Variants in SLC60A2 observed in about 807,000 individuals in gnomAD.
SLC60A2 encodes the protein solute carrier family 60 member 2.
At chr6:111,272,833 A>G in the SLC60A2 span, among the ~76,000 whole-genome samples, 3 of 151,026 alleles carry the variant, frequency 2.0e-5, no homozygotes, top group Non-Finnish European at 4.4e-5. Context: ...GTATATATAT[A>G]TGTGTATATT....
the SLC60A2 span, among the ~76,000 whole-genome samples, chr6:111,261,131 C>T: frequency 2.0e-5 from 3 of 152,074 alleles, no homozygotes; most frequent in African/African-American, 7.2e-5. Context: ...TGTACTTGGG[C>T]GTGTAATATT....
At chr6:111,259,911 CTTTTTT>C in the SLC60A2 span, among the ~76,000 whole-genome samples, 1 of 121,188 alleles carries the variant, frequency 8.3e-6, no homozygotes, top group Non-Finnish European at 1.6e-5. Flanking sequence ...CTCCAGCAAG[CTTTTTT>C]TTTTTTTTTT....
the SLC60A2 span, chr6:111,266,876 GGAAGAGAAT>G: frequency 1.1e-5 from 18 of 1,613,986 alleles, 1 homozygote; most frequent in South Asian, 2.0e-4. Flanking sequence ...ATGAATATGA[GGAAGAGAAT>G]GAAGAGGAGG....
the SLC60A2 span, among the ~76,000 whole-genome samples, chr6:111,271,775 TAAAAAAAAAAAAA>T: frequency 9.0e-4 from 17 of 18,850 alleles, no homozygotes; most frequent in South Asian, 6.1e-3. Context: ...CCATCTCTAC[TAAAAAAAAAAAAA>T]AAAAAAAAAA....
the SLC60A2 span, chr6:111,265,923 C>T: frequency 1.9e-6 from 3 of 1,613,966 alleles, no homozygotes; most frequent in South Asian, 3.3e-5. Context: ...AGGAGCCCCA[C>T]ATATGCAGGC....
At chr6:111,276,372 A>G in the SLC60A2 span, among the ~76,000 whole-genome samples, 1 of 152,166 alleles carries the variant, frequency 6.6e-6, no homozygotes, top group Non-Finnish European at 1.5e-5. Flanking sequence ...TTTTTTCTTA[A>G]TCAAGTTTTT....
chr6:111,269,721 T>C, the SLC60A2 span: 1 of 151,962 alleles, frequency 6.6e-6, no homozygotes. Flanking sequence ...TGGCAGAAAA[T>C]CTCAAAATCT....
the SLC60A2 span, chr6:111,270,087 T>G: frequency 1.3e-5 from 2 of 152,066 alleles, no homozygotes; most frequent in African/African-American, 4.8e-5. Flanking sequence ...TGGGCACCAC[T>G]CAGCTTCGAG....
the SLC60A2 span, among the ~76,000 whole-genome samples, chr6:111,262,959 G>T: frequency 4.6e-5 from 7 of 151,890 alleles, no homozygotes; most frequent in Admixed American, 4.6e-4. Context: ...TTGAGACAGG[G>T]TCTCCTCTCC....
the SLC60A2 span, chr6:111,262,107 A>G: frequency 1.9e-6 from 1 of 537,702 alleles, no homozygotes; most frequent in African/African-American, 1.9e-5. Flanking sequence ...TTTTAGTCAA[A>G]ACTAAAAAAA....
chr6:111,278,577 C>T, the SLC60A2 span: 6 of 152,212 alleles, frequency 3.9e-5, no homozygotes, highest in South Asian at 1.2e-3. Flanking sequence ...GAGGAAGTCT[C>T]ACGAGATCTT....
At chr6:111,260,879 G>T in the SLC60A2 span, among the ~76,000 whole-genome samples, 1 of 152,220 alleles carries the variant, frequency 6.6e-6, no homozygotes, top group East Asian at 1.9e-4. Flanking sequence ...GAAGTACGAG[G>T]TGCTTGCTGT....
the SLC60A2 span, among the ~76,000 whole-genome samples, chr6:111,273,946 C>T: frequency 6.6e-6 from 1 of 152,058 alleles, no homozygotes; most frequent in South Asian, 2.1e-4. Flanking sequence ...AGGTCTTGAA[C>T]TGCACTCAAG....
the SLC60A2 span, chr6:111,262,477 G>A: frequency 3.9e-6 from 6 of 1,526,750 alleles, no homozygotes; most frequent in Non-Finnish European, 4.5e-6. Flanking sequence ...GAATTTACAA[G>A]TTGTCTTTGA....
the SLC60A2 span, chr6:111,259,383 G>A: frequency 2.7e-6 from 1 of 367,704 alleles, no homozygotes; most frequent in Non-Finnish European, 4.9e-6. Context: ...GCGTGCCGAA[G>A]TTCCTCTTCT....
chr6:111,270,322 G>A, the SLC60A2 span: 5 of 152,210 alleles, frequency 3.3e-5, no homozygotes, highest in East Asian at 3.9e-4. Flanking sequence ...GACTCATTGC[G>A]GATCACCTTA....
the SLC60A2 span, among the ~76,000 whole-genome samples, chr6:111,272,981 C>A: frequency 6.6e-6 from 1 of 150,484 alleles, no homozygotes. Flanking sequence ...CAGGCATCCA[C>A]CACCATGCCC....
chr6:111,279,970 A>G, the SLC60A2 span, among the ~76,000 whole-genome samples: 1 of 152,210 alleles, frequency 6.6e-6, no homozygotes, highest in Admixed American at 6.5e-5. Context: ...TTTGTACCAT[A>G]TAAAAACTTG....
At chr6:111,266,053 A>T in the SLC60A2 span, 1 of 1,614,172 alleles carries the variant, frequency 6.2e-7, no homozygotes, top group Non-Finnish European at 8.5e-7. Flanking sequence ...GCACTCAACC[A>T]ATCATCTGAT....
Sources: allele counts gnomAD v4.1 joint callset (sites outside exome capture counted in the v4.1 genomes callset), GRCh38; gene constraint gnomAD v4.1.1; transcripts MANE v1.5; gene names NCBI Gene and HGNC (gene_info 2026-07-23, HGNC 2026-07-21).